SNX8: variants seen among roughly 807,000 people sequenced by gnomAD.
SNX8 encodes sorting nexin 8.
A neutral mutation model predicts 51.6 loss-of-function variants in SNX8; 25 were observed. That is an observed-to-expected ratio of 0.48 (90% CI 0.35 to 0.68). SNX8 has a LOEUF of 0.68. Among genes scored for constraint, SNX8 ranks in the 30% least tolerant of loss-of-function variants. The probability of loss-of-function intolerance (pLI) is 0.00; values close to 1 mark genes in which losing one functional copy is unlikely to be tolerated. For synonymous variants in SNX8, 324 were observed against 277.0 expected (o/e 1.17, Z -1.68); for missense variants, 695 against 624.0 (o/e 1.11, Z -1.21).
At chr7:2,334,639 G>C (rs1448853660) in intron 1 of SNX8, among the ~76,000 whole-genome samples, 1 of 151,972 alleles carries the variant, frequency 6.6e-6, no homozygotes, top group Non-Finnish European at 1.5e-5. Context: ...GGCAGAGGTT[G>C]CAGTAAGCTG....
At chr7:2,267,183 C>A (rs995697309) in intron 5 of SNX8, among the ~76,000 whole-genome samples, 1 of 152,202 alleles carries the variant, frequency 6.6e-6, no homozygotes, top group Non-Finnish European at 1.5e-5. Context: ...GGAAACCATG[C>A]GACAGATGTC....
intron 1 of SNX8, among the ~76,000 whole-genome samples, chr7:2,311,723 G>C (rs1349112359): frequency 2.0e-5 from 3 of 152,082 alleles, no homozygotes; most frequent in Admixed American, 6.6e-5. Flanking sequence ...AGATCACGAG[G>C]TCAGGAGATC....
intron 1 of SNX8, 147 bp from the exon 2 acceptor site, chr7:2,278,452 T>C (rs1795835158): frequency 3.4e-6 from 2 of 579,764 alleles, no homozygotes; most frequent in Non-Finnish European, 6.1e-6. Context: ...AAGACCAGCC[T>C]AGGTAATATG....
At chr7:2,300,288 G>T (rs963322359) in intron 1 of SNX8, among the ~76,000 whole-genome samples, 1 of 152,198 alleles carries the variant, frequency 6.6e-6, no homozygotes, top group Middle Eastern at 3.2e-3. Context: ...AATTCAAGAA[G>T]TGATTTGTTT....
upstream of SNX8, chr7:2,314,563 C>G (rs1796724487): frequency 1.8e-5 from 15 of 846,184 alleles, no homozygotes; most frequent in Non-Finnish European, 2.2e-5. Context: ...CCTGCGGGCC[C>G]GCCGCGCTCC....
At chr7:2,302,289 G>A (rs987044384) in intron 1 of SNX8, among the ~76,000 whole-genome samples, 1 of 152,220 alleles carries the variant, frequency 6.6e-6, no homozygotes, top group East Asian at 1.9e-4. Flanking sequence ...TTTTTTGGTG[G>A]AGACGGGGTT....
intron 1 of SNX8, among the ~76,000 whole-genome samples, chr7:2,345,698 A>T (rs1210971575): frequency 1.3e-5 from 2 of 152,068 alleles, no homozygotes; most frequent in African/African-American, 4.8e-5. Flanking sequence ...AAAAAGAAGA[A>T]GAAATGTGAA....
intron 7 of SNX8, among the ~76,000 whole-genome samples, chr7:2,261,095 G>C (rs900819384): frequency 1.7e-4 from 26 of 152,352 alleles, no homozygotes; most frequent in African/African-American, 6.3e-4. Context: ...TGGCTTTTAT[G>C]CTTTGCACAC....
At position 2,256,912 on chromosome 7, in the gene SNX8, G is replaced by A; in HGVS notation, c.1246C>T (p.Arg416Cys). 1.2e-6 allele frequency: 2 copies of A among 1,613,640 alleles called. No homozygotes were observed. The highest frequency in any genetic ancestry group is 1.3e-5 in the African/African-American group (1 of 75,064). ...VYLPLTSHIL[R>C]AFVNSQIQGH... ...TGGATCTGAGAGTTGACGAAGGCGC[G>A]GAGGATGTGGGAGGTGAGGGGCAGG... The change falls in exon 10 of 11, where the codon CGC (arginine) becomes TGC (cysteine). Residue 416 changes from arginine (R) to cysteine (C), a missense_variant. By Grantham distance (180) the Arg-to-Cys change is radical. Transcript: ENST00000222990.
At chr7:2,268,449 T>TGG (rs1221305237) in intron 5 of SNX8, among the ~76,000 whole-genome samples, 1 of 105,826 alleles carries the variant, frequency 9.4e-6, no homozygotes, top group Non-Finnish European at 2.0e-5. Flanking sequence ...GGGAGGGAGG[T>TGG]GGGGGGGGTC....
intron 7 of SNX8, among the ~76,000 whole-genome samples, chr7:2,258,895 C>T (rs1159697052): frequency 2.0e-5 from 3 of 152,178 alleles, no homozygotes; most frequent in Admixed American, 6.5e-5. Context: ...GGCCCCATCA[C>T]GGCAGAGGGA....
chr7:2,335,832 T>C (rs1016032832), intron 1 of SNX8, among the ~76,000 whole-genome samples: 1 of 145,828 alleles, frequency 6.9e-6, no homozygotes, highest in African/African-American at 2.5e-5. Context: ...AAAAAAATTC[T>C]ACAGTAGGCA....
intron 6 of SNX8, 70 bp from the exon 7 acceptor site, chr7:2,263,432 T>TC (rs961499500): frequency 6.0e-5 from 88 of 1,461,056 alleles, no homozygotes; most frequent in Admixed American, 5.7e-4. Flanking sequence ...GAGTCTGGCA[T>TC]CCCCCCCGAC....
At chr7:2,269,152 G>C (rs1260027811) in intron 5 of SNX8, among the ~76,000 whole-genome samples, 1 of 148,968 alleles carries the variant, frequency 6.7e-6, no homozygotes, top group East Asian at 2.0e-4. Context: ...GAAAGAAGTA[G>C]ACATGGGAGA....
Position 2,278,277 on chromosome 7 carries a change from G to A in SNX8, c.123C>T (p.Pro41=), listed in dbSNP as rs150324664. The change falls in exon 2 of 11, where the codon CCC becomes CCT. Residue 41 remains proline, a synonymous_variant. Transcript: ENST00000222990. ...SDLPTPQAIE[P]QAIVQQVPAP... is the part of the protein sequence containing the mutation. ...CTGGGACCTGCTGCACGATGGCCTG[G>A]GGCTCGATGGCCTGGGGTGTCGGCA... The A allele has an allele frequency of 1.9e-6, 3 of 1,589,114 alleles. No individual in the cohort carries two copies. Among genetic ancestry groups the A allele is most frequent in the East Asian group, 4.7e-5 (2 of 42,888 alleles).
chr7:2,268,565 C>CA (rs1795550403), intron 5 of SNX8, among the ~76,000 whole-genome samples: 1 of 146,272 alleles, frequency 6.8e-6, no homozygotes, highest in African/African-American at 2.5e-5. Flanking sequence ...GTCAGCCCCC[C>CA]GCCTGGCCAG....
At chr7:2,290,233 GCTCGTA>G (rs1796122700) in intron 1 of SNX8, among the ~76,000 whole-genome samples, 1 of 152,058 alleles carries the variant, frequency 6.6e-6, no homozygotes, top group Admixed American at 6.6e-5. Flanking sequence ...CAGTGCAATG[GCTCGTA>G]CCTGTAATCC....
chr7:2,345,278 T>C (rs796467391), intron 1 of SNX8, among the ~76,000 whole-genome samples: 24 of 152,296 alleles, frequency 1.6e-4, no homozygotes, highest in African/African-American at 5.8e-4. Context: ...ACAGAATGGA[T>C]AGATCTTGAA....
intron 7 of SNX8, among the ~76,000 whole-genome samples, chr7:2,258,270 CCTCCCA>C (rs1795246393): frequency 6.6e-6 from 1 of 152,170 alleles, no homozygotes; most frequent in Admixed American, 6.5e-5. Context: ...CCCGCCTCGG[CCTCCCA>C]AAGTGCTGGA....
Sources: allele counts gnomAD v4.1 joint callset (sites outside exome capture counted in the v4.1 genomes callset), GRCh38; gene constraint gnomAD v4.1.1; transcripts MANE v1.5; gene names NCBI Gene and HGNC (gene_info 2026-07-23, HGNC 2026-07-21).